The following ENTPD1 variants were observed in gnomAD, a reference collection of about 807,000 sequenced individuals.
The protein encoded by ENTPD1 is ATP diphosphohydrolase.
Under a neutral mutation model 57.0 loss-of-function variants are expected in ENTPD1, and 33 were observed. The observed-to-expected ratio is 0.58, with a 90% confidence interval of 0.44 to 0.77. The LOEUF (loss-of-function observed/expected upper bound fraction) is 0.77, where lower values mean the gene tolerates loss of function less well. ENTPD1 is among the 30% of genes least tolerant of loss of function. ENTPD1 has a pLI of 0.00. For missense variants in ENTPD1, 501 were observed against 603.4 expected, an observed-to-expected ratio of 0.83 and a Z score of 1.78; for synonymous variants, 202 against 218.8, an observed-to-expected ratio of 0.92 and a Z score of 0.68.
rs7088411 is a variant in ENTPD1 at position 95,808,733 on chromosome 10, T to A, written c.17-14504T>A. 3.4e-3 allele frequency among the ~76,000 whole-genome samples: 515 copies of A among 151,268 alleles called. 2 individuals are homozygous for A. The highest frequency in any genetic ancestry group is 0.012 in the African/African-American group (478 of 41,142). ...TTATTTTAGTTGCTTTTTTTTTTTT[T>A]AATAATTTTGTTGATCATTCTTGGG... On this transcript the variant is annotated intron_variant, in intron 1 of 9. Coordinates refer to ENST00000371205, the MANE Select transcript of ENTPD1 (RefSeq NM_001776.6).
At chr10:95,860,694 A>C (rs1464479607) in intron 8 of ENTPD1, 112 bp downstream of exon 8, 1 of 886,508 alleles carries the variant, frequency 1.1e-6, no homozygotes, top group Non-Finnish European at 1.8e-6. Context: ...GATCCAGCAA[A>C]TGTGTTAGAG....
In ENTPD1 at chr10:95,866,474, C is replaced by G. The variant is rs1307285724; in HGVS notation, c.*91C>G. On this transcript the variant is annotated 3_prime_UTR_variant, in exon 10 of 10. Coordinates refer to ENST00000371205, the MANE Select transcript of ENTPD1 (RefSeq NM_001776.6). Reference sequence around the variant, plus strand: ...TCGCAGTGTTCAAGGCCATCCTTCCCTGTCTGCCAGGGCCAGTCTTGACGA... The same window carrying G: ...TCGCAGTGTTCAAGGCCATCCTTCCGTGTCTGCCAGGGCCAGTCTTGACGA... The G allele has an allele frequency of 1.9e-6, 3 of 1,569,698 alleles. No homozygotes were observed. The highest frequency in any genetic ancestry group is 2.6e-6 in the Non-Finnish European group (3 of 1,157,770).
At chr10:95,726,241 C>T (rs1373027675) in intron 1 of ENTPD1, among the ~76,000 whole-genome samples, 1 of 152,152 alleles carries the variant, frequency 6.6e-6, no homozygotes, top group East Asian at 1.9e-4. Context: ...TTATAATGTT[C>T]ATAAATATAT....
chr10:95,778,402 T>A (rs7900546), intron 1 of ENTPD1, among the ~76,000 whole-genome samples: 1 of 152,188 alleles, frequency 6.6e-6, no homozygotes, highest in East Asian at 1.9e-4. Flanking sequence ...CTAAAAGATA[T>A]GAGAAAATAT....
At chr10:95,860,778 G>T (rs370453934) in intron 8 of ENTPD1, among the ~76,000 whole-genome samples, 196 bp downstream of exon 8, 17 of 152,136 alleles carry the variant, frequency 1.1e-4, no homozygotes, top group African/African-American at 4.1e-4. Flanking sequence ...GCTTAAATAA[G>T]ATCTTATTTT....
At chr10:95,763,220 C>T (rs1226011649) in intron 1 of ENTPD1, among the ~76,000 whole-genome samples, 5 of 152,146 alleles carry the variant, frequency 3.3e-5, no homozygotes, top group East Asian at 3.9e-4. Flanking sequence ...CCACCACACC[C>T]GGCCTCTGAT....
In ENTPD1 at chr10:95,866,991, C is replaced by CT; in HGVS notation, c.*608_*609insT. Reference sequence around the variant, plus strand: ...AGTCAATACAGTTCTCAATCCCACCCAAAGCAGGTATGTCAATAAATCACA... The same window carrying CT: ...AGTCAATACAGTTCTCAATCCCACCCTAAAGCAGGTATGTCAATAAATCACA... On this transcript the variant is annotated 3_prime_UTR_variant, in exon 10 of 10. Coordinates refer to ENST00000371205, the MANE Select transcript of ENTPD1 (RefSeq NM_001776.6). The CT allele has an allele frequency of 2.0e-6, 2 of 993,854 alleles. No homozygotes were observed. The highest frequency in any genetic ancestry group is 2.4e-6 in the Non-Finnish European group (2 of 834,464). 61.6% of individuals were successfully genotyped at this position (993,854 alleles called of 1,614,324 possible). A position where few individuals can be genotyped will look rare whatever the true frequency, so the allele number is the denominator to read the frequency against.
At chr10:95,757,124 C>T (rs984464918) in intron 1 of ENTPD1, among the ~76,000 whole-genome samples, 2 of 152,206 alleles carry the variant, frequency 1.3e-5, no homozygotes, top group African/African-American at 2.4e-5. Context: ...TAACTTCTAA[C>T]ATTCCCACAT....
intron 1 of ENTPD1, among the ~76,000 whole-genome samples, chr10:95,731,773 T>G (rs2097989335): frequency 1.5e-5 from 2 of 135,306 alleles, no homozygotes; most frequent in African/African-American, 5.2e-5. Flanking sequence ...ATTAGAGGAG[T>G]GGACATCCTT....
At position 95,788,355 on chromosome 10, in the gene ENTPD1, C is replaced by T. The variant is rs185029220; in HGVS notation, c.16+32100C>T. Among the ~76,000 whole-genome samples the T allele has an allele frequency of 3.0e-4, 46 of 152,206 alleles. 1 individual carries two copies. The highest frequency in any genetic ancestry group is 1.0e-3 in the African/African-American group (43 of 41,538). On this transcript the variant is annotated intron_variant, in intron 1 of 9. Coordinates refer to ENST00000371205, the MANE Select transcript of ENTPD1 (RefSeq NM_001776.6). ...AGTCTAGGCCAGGCATAGTGGCTCA[C>T]GCCTGTAATCCCAGCACTTTGGGAG...
intron 1 of ENTPD1, among the ~76,000 whole-genome samples, chr10:95,740,686 C>A (rs983984627): frequency 6.6e-6 from 1 of 152,190 alleles, no homozygotes; most frequent in Non-Finnish European, 1.5e-5. Context: ...TCTGTTGTTT[C>A]GTGTAGCCAC....
At chr10:95,727,310 C>T (rs1019303034) in intron 1 of ENTPD1, among the ~76,000 whole-genome samples, 1 of 152,138 alleles carries the variant, frequency 6.6e-6, no homozygotes, top group Non-Finnish European at 1.5e-5. Context: ...GGCTTCCATT[C>T]ATATTTATTC....
chr10:95,773,741 C>T (rs890663365), intron 1 of ENTPD1, among the ~76,000 whole-genome samples: 6 of 152,184 alleles, frequency 3.9e-5, no homozygotes, highest in African/African-American at 1.4e-4. Flanking sequence ...CACTGATGAA[C>T]ATTTGGGTTG....
intron 1 of ENTPD1, among the ~76,000 whole-genome samples, chr10:95,801,727 T>C (rs577899302): frequency 1.3e-5 from 2 of 152,300 alleles, no homozygotes; most frequent in East Asian, 3.9e-4. Flanking sequence ...TTTTGGTTAC[T>C]GTAACCCTGT....
chr10:95,804,693 T>C (rs2098264946), intron 1 of ENTPD1, among the ~76,000 whole-genome samples: 2 of 152,236 alleles, frequency 1.3e-5, no homozygotes, highest in Non-Finnish European at 2.9e-5. Context: ...CTGATTGCCC[T>C]GTCCAGAACT....
intron 1 of ENTPD1, among the ~76,000 whole-genome samples, chr10:95,760,989 C>T (rs2098058710): frequency 1.3e-5 from 2 of 151,844 alleles, no homozygotes; most frequent in African/African-American, 4.8e-5. Context: ...GCCACTACAC[C>T]CGGCTAATTT....
chr10:95,800,559 G>T (rs1365726433), intron 1 of ENTPD1, among the ~76,000 whole-genome samples: 1 of 152,072 alleles, frequency 6.6e-6, no homozygotes, highest in African/African-American at 2.4e-5. Context: ...GGAGACCAGG[G>T]CGTATTTCAG....
chr10:95,710,502 T>C (rs1233255546), upstream of ENTPD1, among the ~76,000 whole-genome samples: 2 of 141,118 alleles, frequency 1.4e-5, no homozygotes, highest in African/African-American at 4.9e-5. Flanking sequence ...GAATAAACGG[T>C]GTCTACATGT....
At chr10:95,793,501 T>C (rs68078796) in intron 1 of ENTPD1, among the ~76,000 whole-genome samples, 13,149 of 152,156 alleles carry the variant, frequency 0.086, 695 homozygotes, top group Middle Eastern at 0.16. Flanking sequence ...CCGCCATTAA[T>C]TAGGAGGTTA....
Sources: gnomAD v4.1 joint callset for allele counts (sites outside exome capture counted in the v4.1 genomes callset) on GRCh38, gnomAD v4.1.1 for gene constraint, MANE v1.5 for transcripts, NCBI Gene and HGNC (gene_info 2026-07-23, HGNC 2026-07-21) for gene names.